SLC12A9: variants seen among roughly 807,000 people sequenced by gnomAD.
SLC12A9 encodes solute carrier family 12 member 9, also known as CCC-interacting protein 1.
SLC12A9 carries 55 observed loss-of-function variants against 66.0 expected under a neutral mutation model. The ratio of observed to expected loss-of-function variants is 0.83; its 90% CI spans 0.67 to 1.04. The LOEUF (loss-of-function observed/expected upper bound fraction) is 1.04, where lower values mean the gene tolerates loss of function less well. SLC12A9 is among the 50% of genes least tolerant of loss of function. The pLI, the probability that SLC12A9 is intolerant of heterozygous loss-of-function variation, is 0.00. For missense variants in SLC12A9, 1,061 were observed against 1,241.9 expected (o/e 0.85, Z 2.19); for synonymous variants, 577 against 569.0 (o/e 1.01, Z -0.20).
At position 100,830,324 on chromosome 7, in the gene SLC12A9, G is replaced by A. The variant is rs145694868; in HGVS notation, n.228+3277G>A. 6.2e-3 allele frequency among the ~76,000 whole-genome samples: 944 copies of A among 152,242 alleles called. 11 individuals carry two copies. Among genetic ancestry groups the A allele is most frequent in the African/African-American group, 0.02 (851 of 41,558 alleles). On this transcript the variant is annotated intron_variant and non_coding_transcript_variant, in intron 1 of 1. Transcript: ENST00000461016. ...GCTGAAATCGTGCCACTGCACTCCA[G>A]CCTGGGCAACAGAGTGAAACTCTGT...
chr7:100,833,286 C>T (rs946408487), intron 1 of SLC12A9, among the ~76,000 whole-genome samples: 7 of 150,454 alleles, frequency 4.7e-5, no homozygotes, highest in South Asian at 4.2e-4. Context: ...GAGTTCAAGA[C>T]CTGCCTGGCC....
At chr7:100,848,885 C>T (rs1423346538), upstream of SLC12A9, among the ~76,000 whole-genome samples, 2 of 135,114 alleles carry the variant, frequency 1.5e-5, no homozygotes, top group African/African-American at 2.8e-5. Context: ...GACTCCATCT[C>T]AAAAAAAAGG....
At chr7:100,863,771 A>C (rs151184186) in intron 13 of SLC12A9, among the ~76,000 whole-genome samples, 93 of 152,328 alleles carry the variant, frequency 6.1e-4, no homozygotes, top group African/African-American at 2.2e-3. Flanking sequence ...AGTGCCCGTC[A>C]CCAAAGTGCA....
At chr7:100,843,656 G>A (rs1314875816) in intron 1 of SLC12A9, among the ~76,000 whole-genome samples, 1 of 152,208 alleles carries the variant, frequency 6.6e-6, no homozygotes, top group East Asian at 1.9e-4. Context: ...ACAAGAAGCA[G>A]ATAAACTAAC....
chr7:100,827,685 C>T (rs1042679727), intron 1 of SLC12A9, among the ~76,000 whole-genome samples: 1 of 151,716 alleles, frequency 6.6e-6, no homozygotes, highest in Admixed American at 6.6e-5. Context: ...TGGAGCAGGT[C>T]GGGAAGTTGA....
At chr7:100,860,337 T>C in intron 9 of SLC12A9, 105 bp downstream of exon 9, 3 of 1,181,366 alleles carry the variant, frequency 2.5e-6, no homozygotes, top group Non-Finnish European at 3.6e-6. Context: ...CAAATGCGTA[T>C]GCACTTGGGG....
intron 1 of SLC12A9, among the ~76,000 whole-genome samples, chr7:100,840,261 G>A (rs928374474): frequency 6.6e-6 from 1 of 152,134 alleles, no homozygotes; most frequent in Admixed American, 6.6e-5. Flanking sequence ...AGCCCACCCT[G>A]CTAGGAACTA....
intron 1 of SLC12A9, among the ~76,000 whole-genome samples, chr7:100,844,951 C>T (rs1813875546): frequency 6.6e-6 from 1 of 151,966 alleles, no homozygotes; most frequent in South Asian, 2.1e-4. Context: ...ATGTCACTTC[C>T]TGTTATATAT....
intron 13 of SLC12A9, among the ~76,000 whole-genome samples, chr7:100,864,634 G>A (rs1208324400): frequency 5.9e-5 from 9 of 152,166 alleles, no homozygotes; most frequent in Admixed American, 5.2e-4. Context: ...TGCCCAGCTC[G>A]GTGGCTCAGA....
chr7:100,865,865 C>T lies in SLC12A9; in HGVS notation c.2005C>T (p.Pro669Ser). 1 of 1,613,762 alleles carries T rather than the reference C, an allele frequency of 6.2e-7. No homozygotes were observed. The highest frequency in any genetic ancestry group is 8.5e-7 in the Non-Finnish European group (1 of 1,180,026). The change falls in exon 14 of 14, where the codon CCC becomes TCC. Residue 669 changes from proline to serine, a missense_variant. Pro to Ser is a moderately conservative substitution (Grantham distance 74). Coordinates refer to ENST00000354161, the MANE Select transcript of SLC12A9 (RefSeq NM_020246.4). ...SPALSTLFPP[P>S]RAPGSPRALN... Reference sequence around the variant, plus strand: ...AGCTCTGAGCACCCTGTTCCCTCCTCCCCGGGCTCCTGGGAGCCCCCGGGC... The same window carrying T: ...AGCTCTGAGCACCCTGTTCCCTCCTTCCCGGGCTCCTGGGAGCCCCCGGGC...
At chr7:100,863,077 T>C (rs1263557096) in intron 13 of SLC12A9, among the ~76,000 whole-genome samples, 22 of 150,774 alleles carry the variant, frequency 1.5e-4, no homozygotes, top group African/African-American at 5.4e-4. Flanking sequence ...TTTTTTTTTT[T>C]TTTGAGACGG....
At chr7:100,842,284 G>C (rs761720912) in intron 1 of SLC12A9, among the ~76,000 whole-genome samples, 4 of 152,078 alleles carry the variant, frequency 2.6e-5, no homozygotes, top group Non-Finnish European at 4.4e-5. Context: ...TTCTATTGCT[G>C]ACCATCTAGT....
chr7:100,859,675 C>T, intron 7 of SLC12A9: 3 of 595,808 alleles, frequency 5.0e-6, no homozygotes, highest in Non-Finnish European at 8.7e-6. Flanking sequence ...TACAGCACTG[C>T]ACTTTAGCCT....
chr7:100,836,244 G>C (rs576282665), intron 1 of SLC12A9, among the ~76,000 whole-genome samples: 1 of 152,290 alleles, frequency 6.6e-6, no homozygotes, highest in South Asian at 2.1e-4. Flanking sequence ...CCAGGATACC[G>C]GGGTCTGGAA....
chr7:100,841,325 AC>A (rs772723491), intron 1 of SLC12A9, among the ~76,000 whole-genome samples: 12 of 152,124 alleles, frequency 7.9e-5, no homozygotes, highest in Admixed American at 2.0e-4. Context: ...AAAAAAAAAA[AC>A]AAACCAGTTT....
intron 1 of SLC12A9, among the ~76,000 whole-genome samples, chr7:100,846,657 A>G (rs1158491711): frequency 6.6e-6 from 1 of 152,220 alleles, no homozygotes; most frequent in Non-Finnish European, 1.5e-5. Flanking sequence ...CTGTCGTGCA[A>G]GAAGACATGG....
chr7:100,857,533 C>T (rs778887595), intron 5 of SLC12A9: 6 of 229,564 alleles, frequency 2.6e-5, no homozygotes, highest in South Asian at 2.1e-4. Context: ...GGGCAGGAGC[C>T]GGGGAGCTGG....
chr7:100,866,076 G>C lies in SLC12A9; in HGVS notation c.2216G>C (p.Gly739Ala). Reference sequence around the variant, plus strand: ...CTGCTGCGGCCCCGGGGTGGGCCCGGCTATGTGGATGTCTGCGGCCTCTTC... The same window carrying C: ...CTGCTGCGGCCCCGGGGTGGGCCCGCCTATGTGGATGTCTGCGGCCTCTTC... ...LNLLRPRGGPGYVDVCGLFLL... is the reference protein window; with the variant it reads ...LNLLRPRGGPAYVDVCGLFLL... Residue 739 changes from glycine (G) to alanine (A), a missense_variant, in exon 14 of 14, where the codon GGC (glycine) becomes GCC (alanine). Transcript: ENST00000354161. This position sits in a 1 kb window ranked among gnomAD's most constrained non-coding sequence, Gnocchi z 7.3. 1 of 1,612,934 alleles carries C rather than the reference G, an allele frequency of 6.2e-7. No individual in the cohort carries two copies. The highest frequency in any genetic ancestry group is 8.5e-7 in the Non-Finnish European group (1 of 1,179,860).
chr7:100,866,457 CA>C lies in SLC12A9; in HGVS notation c.2598del (p.Ala867ProfsTer27). On this transcript the variant is annotated frameshift_variant, in exon 14 of 14. Transcript: ENST00000354161. LOFTEE classifies it high-confidence loss of function. This position sits in a 1 kb window ranked among gnomAD's most constrained non-coding sequence, Gnocchi z 7.3. ...GGTGGGGATGCTGAGGGCCCCATCA[CA>C]GCCCTCACCTTCCTGTACTTGCCTC... ...PEGGDAEGPI[T>X]ALTFLYLPRP... 1 of 1,550,724 alleles carries C rather than the reference CA, an allele frequency of 6.4e-7. No individual in the cohort carries two copies. Among genetic ancestry groups the C allele is most frequent in the South Asian group, 1.2e-5 (1 of 84,132 alleles).
Sources: gnomAD v4.1 joint callset for allele counts (sites outside exome capture counted in the v4.1 genomes callset) on GRCh38, gnomAD v4.1.1 for gene constraint, Gnocchi (gnomAD v3.1) non-coding constraint, MANE v1.5 for transcripts, NCBI Gene and HGNC (gene_info 2026-07-23, HGNC 2026-07-21) for gene names.